MTF2: variants seen among roughly 807,000 people sequenced by gnomAD.
MTF2 encodes the protein metal-response element-binding transcription factor 2.
In MTF2, 11 loss-of-function variants were observed where a neutral mutation model predicts 79.5. That is an observed-to-expected ratio of 0.14 (90% confidence interval 0.09 to 0.23). The LOEUF is 0.23. MTF2 is among the 10% of genes least tolerant of loss of function. The probability of loss-of-function intolerance (pLI) is 1.00; values close to 1 mark genes in which losing one functional copy is unlikely to be tolerated. For missense variants in MTF2, 486 were observed against 711.2 expected (o/e 0.68, Z 3.60); for synonymous variants, 208 against 232.8 (o/e 0.89, Z 0.97).
intron 9 of MTF2, among the ~76,000 whole-genome samples, chr1:93,122,018 T>C (rs1184174373): frequency 6.6e-6 from 1 of 152,108 alleles, no homozygotes; most frequent in Non-Finnish European, 1.5e-5. Context: ...GCCAGGCTGG[T>C]CTTGAACTCC....
chr1:93,118,354 G>A lies in MTF2; in HGVS notation c.642G>A (p.Leu214=), dbSNP rs1341281771. Residue 214 remains leucine, a synonymous_variant, in exon 7 of 15, where the codon TTG becomes TTA. Coordinates refer to ENST00000370298, the MANE Select transcript of MTF2 (RefSeq NM_007358.4). ...CYCGGPGDWY[L]KMLQCCKCKQ... ...TTGTTTTTTTTAATAGCTGGTATTTGAAGATGCTACAGTGCTGCAAATGTA... is the reference window on the plus strand; with the variant it reads ...TTGTTTTTTTTAATAGCTGGTATTTAAAGATGCTACAGTGCTGCAAATGTA... 6.5e-7 allele frequency: 1 copy of A among 1,543,172 alleles called. No homozygotes were observed. Among genetic ancestry groups the A allele is most frequent in the Middle Eastern group, 1.7e-4 (1 of 5,788 alleles).
intron 5 of MTF2, 58 bp from the exon 6 acceptor site, chr1:93,115,412 A>T: frequency 1.5e-6 from 2 of 1,313,456 alleles, no homozygotes; most frequent in Non-Finnish European, 2.1e-6. Flanking sequence ...TTTAAAGTAT[A>T]GAATTGTGTT....
chr1:93,112,507 T>C (rs1656070663), intron 3 of MTF2, among the ~76,000 whole-genome samples: 3 of 152,348 alleles, frequency 2.0e-5, no homozygotes, highest in Middle Eastern at 3.4e-3. Context: ...TGAAATGATA[T>C]ACTCTTGCAT....
At chr1:93,136,149 A>T (rs979554687) in intron 14 of MTF2, among the ~76,000 whole-genome samples, 1 of 151,994 alleles carries the variant, frequency 6.6e-6, no homozygotes, top group African/African-American at 2.4e-5. Flanking sequence ...TTAGGGATAG[A>T]CCCAGGATAC....
chr1:93,079,494 G>C lies in MTF2; in HGVS notation c.-33G>C. The stretch of plus-strand genomic sequence containing the variant: ...GGGGACGGATTGGTTGTTTTTTCCT[G>C]TATGAAGCGGTTGGCACCACTGAAG... On this transcript the variant is annotated 5_prime_UTR_variant, in exon 1 of 15. Transcript: ENST00000370298. 6.2e-7 allele frequency: 1 copy of C among 1,613,924 alleles called. No homozygotes were observed. The highest frequency in any genetic ancestry group is 8.5e-7 in the Non-Finnish European group (1 of 1,179,980).
intron 1 of MTF2, among the ~76,000 whole-genome samples, chr1:93,090,463 G>T (rs1232167119): frequency 6.6e-6 from 1 of 151,760 alleles, no homozygotes; most frequent in East Asian, 1.9e-4. Context: ...GGCCAGGAGG[G>T]TCTCGAATTC....
At chr1:93,105,690 T>C (rs1042639791) in intron 1 of MTF2, among the ~76,000 whole-genome samples, 1 of 152,076 alleles carries the variant, frequency 6.6e-6, no homozygotes, top group Non-Finnish European at 1.5e-5. Context: ...TGTTTTTTTT[T>C]TGAGACCAGA....
intron 10 of MTF2, among the ~76,000 whole-genome samples, chr1:93,127,942 A>G (rs979373911): frequency 6.6e-6 from 1 of 152,112 alleles, no homozygotes; most frequent in African/African-American, 2.4e-5. Flanking sequence ...TGTTGACTCC[A>G]GTGAAATTTT....
At chr1:93,086,190 G>A (rs1402221828) in intron 1 of MTF2, among the ~76,000 whole-genome samples, 1 of 152,136 alleles carries the variant, frequency 6.6e-6, no homozygotes, top group Non-Finnish European at 1.5e-5. Context: ...TGCTTAGAAG[G>A]AAGGATCAAC....
At chr1:93,126,056 C>T (rs771080639) in intron 9 of MTF2, among the ~76,000 whole-genome samples, 1 of 151,936 alleles carries the variant, frequency 6.6e-6, no homozygotes, top group Non-Finnish European at 1.5e-5. Flanking sequence ...TCTATTATTC[C>T]TCCTTTAAAA....
intron 5 of MTF2, 138 bp downstream of exon 5, chr1:93,115,226 C>T (rs1205437181): frequency 2.8e-6 from 2 of 703,300 alleles, no homozygotes; most frequent in East Asian, 5.6e-5. Flanking sequence ...ATTTATTTGA[C>T]TAATGATGCT....
intron 9 of MTF2, among the ~76,000 whole-genome samples, chr1:93,124,808 A>C (rs556521174): frequency 6.6e-6 from 1 of 152,042 alleles, no homozygotes; most frequent in African/African-American, 2.4e-5. Context: ...GTGTGAGATT[A>C]GTATCTGGAG....
chr1:93,125,747 T>C (rs765779348), intron 9 of MTF2, among the ~76,000 whole-genome samples: 1 of 152,018 alleles, frequency 6.6e-6, no homozygotes, highest in South Asian at 2.1e-4. Flanking sequence ...GTCAGAAGCT[T>C]AATATGAAGT....
chr1:93,113,918 A>T (rs1021979227), intron 3 of MTF2, among the ~76,000 whole-genome samples: 1 of 152,152 alleles, frequency 6.6e-6, no homozygotes, highest in African/African-American at 2.4e-5. Context: ...GTGTATTGTG[A>T]ATTTGACTCT....
intron 3 of MTF2, among the ~76,000 whole-genome samples, chr1:93,112,253 T>C (rs1656058583): frequency 6.6e-6 from 1 of 152,220 alleles, no homozygotes; most frequent in African/African-American, 2.4e-5. Context: ...AATAAATGAA[T>C]CTGAAACCTG....
rs1214252316 is a variant in MTF2 at position 93,134,146 on chromosome 1, G to T, written c.1375G>T (p.Ala459Ser). Residue 459 changes from alanine to serine, a missense_variant, in exon 14 of 15, where the codon GCT becomes TCT. This residue lies in a region of MTF2 where 209 missense variants were observed against 206.5 expected (regional missense o/e 1.01). Transcript: ENST00000370298. Reference sequence around the variant, plus strand: ...TACCTCAGATGTGGATTTCACGGGTGCTTCCAGTGCAAAAGAAACTACCTC... The same window carrying T: ...TACCTCAGATGTGGATTTCACGGGTTCTTCCAGTGCAAAAGAAACTACCTC... ...SNTSDVDFTG[A>S]SSAKETTSSS... is the part of the protein sequence containing the mutation. The T allele has an allele frequency of 5.0e-6, 8 of 1,613,528 alleles. No individual in the cohort carries two copies. Among genetic ancestry groups the T allele is most frequent in the Non-Finnish European group, 6.8e-6 (8 of 1,179,722 alleles).
chr1:93,127,861 C>T (rs1656762878), intron 10 of MTF2, among the ~76,000 whole-genome samples: 2 of 151,840 alleles, frequency 1.3e-5, no homozygotes, highest in African/African-American at 2.4e-5. Context: ...CAAGGATTCC[C>T]TTCTTTTTAA....
rs1656850766 is a variant in MTF2 at position 93,129,910 on chromosome 1, A to G, written c.1160+462A>G. On this transcript the variant is annotated intron_variant, in intron 11 of 14. Transcript: ENST00000370298. Reference sequence around the variant, plus strand: ...AATAGTTACAGATTATGCTAGTGCCATGTAGGATAGCATACTGTTTTAGAC... The same window carrying G: ...AATAGTTACAGATTATGCTAGTGCCGTGTAGGATAGCATACTGTTTTAGAC... Among the ~76,000 whole-genome samples the G allele has an allele frequency of 2.0e-5, 3 of 152,222 alleles. No homozygotes were observed. The South Asian group carries it at 6.2e-4, about 31-fold the overall frequency.
chr1:93,095,856 A>AT (rs1476451412), intron 1 of MTF2, among the ~76,000 whole-genome samples: 1 of 151,316 alleles, frequency 6.6e-6, no homozygotes, highest in African/African-American at 2.4e-5. Context: ...GGGTTTCACC[A>AT]TATTGGTCAG....
Sources: allele counts gnomAD v4.1 joint callset (sites outside exome capture counted in the v4.1 genomes callset), GRCh38; gene constraint gnomAD v4.1.1; regional missense constraint gnomAD v4.1.1; transcripts MANE v1.5; gene names NCBI Gene and HGNC (gene_info 2026-07-23, HGNC 2026-07-21).